The following MOBP variants were observed in gnomAD, a reference collection of about 807,000 sequenced individuals.
The protein encoded by MOBP is myelin associated oligodendrocyte basic protein, also known as myelin-associated oligodendrocyte basic protein.
A neutral mutation model predicts 15.0 loss-of-function variants in MOBP; 5 were observed. That is an observed-to-expected ratio of 0.33 (90% CI 0.17 to 0.70). The LOEUF (loss-of-function observed/expected upper bound fraction) is 0.70, where lower values mean the gene tolerates loss of function less well. MOBP is among the 30% of genes least tolerant of loss of function. The pLI is 0.67. For missense variants in MOBP, 188 were observed against 257.8 expected, an observed-to-expected ratio of 0.73 and a Z score of 1.85; for synonymous variants, 88 against 99.0, an observed-to-expected ratio of 0.89 and a Z score of 0.66.
At chr3:39,504,867 C>T (rs1708108), downstream of MOBP, among the ~76,000 whole-genome samples, 139,694 of 152,304 alleles carry the variant, frequency 0.92, 64,715 homozygotes, top group Middle Eastern at 0.98. Context: ...TTTCTGAAGC[C>T]AACTTGCTTT....
intron 4 of MOBP, among the ~76,000 whole-genome samples, chr3:39,512,373 A>G (rs2043131132): frequency 6.6e-6 from 1 of 152,192 alleles, no homozygotes; most frequent in Non-Finnish European, 1.5e-5. Flanking sequence ...AGGCTGCCAC[A>G]TGTCTGGAGG....
intron 3 of MOBP, among the ~76,000 whole-genome samples, chr3:39,521,828 T>C (rs1013774082): frequency 6.6e-6 from 1 of 152,208 alleles, no homozygotes; most frequent in Admixed American, 6.5e-5. Flanking sequence ...CCTAAGTGTA[T>C]AATACCGTCT....
intron 2 of MOBP, among the ~76,000 whole-genome samples, chr3:39,490,051 T>C (rs1237047342): frequency 6.6e-6 from 1 of 152,254 alleles, no homozygotes; most frequent in Non-Finnish European, 1.5e-5. Context: ...ACATTGTATT[T>C]GCACACTTTG....
intron 1 of MOBP, among the ~76,000 whole-genome samples, chr3:39,471,265 G>A (rs1016237128): frequency 1.3e-5 from 2 of 151,902 alleles, no homozygotes; most frequent in Non-Finnish European, 2.9e-5. Context: ...AAGTACCTGG[G>A]ACTGCAGGCT....
At chr3:39,485,362 T>G (rs1201397667) in intron 2 of MOBP, among the ~76,000 whole-genome samples, 2 of 152,168 alleles carry the variant, frequency 1.3e-5, no homozygotes, top group African/African-American at 4.8e-5. Context: ...AAATCTACAC[T>G]CAGAAGAAAG....
chr3:39,499,956 C>T (rs890787200), intron 2 of MOBP: 1 of 451,422 alleles, frequency 2.2e-6, no homozygotes, highest in African/African-American at 2.0e-5. Context: ...AACATATTGC[C>T]CTCTCTTCTG....
chr3:39,528,144 A>G (rs916867808), downstream of MOBP: 1 of 152,224 alleles, frequency 6.6e-6, no homozygotes, highest in Non-Finnish European at 1.5e-5. Context: ...GCAAAAGAAC[A>G]TATTAAAATA....
Position 39,487,172 on chromosome 3 carries a change from T to A in MOBP, c.-5+7049T>A, listed in dbSNP as rs1310701499. On this transcript the variant is annotated intron_variant, in intron 2 of 3. Transcript: ENST00000684792. Reference sequence around the variant, plus strand: ...CCCAGGCTGGTCTCGAACTCCATCTTGGACCTCAAATGATTCTGCCTCAGC... The same window carrying A: ...CCCAGGCTGGTCTCGAACTCCATCTAGGACCTCAAATGATTCTGCCTCAGC... 2.0e-5 allele frequency among the ~76,000 whole-genome samples: 3 copies of A among 152,178 alleles called. No individual in the cohort carries two copies. The South Asian group carries it at 6.2e-4, about 32-fold the overall frequency.
chr3:39,477,374 G>A (rs1033681435), intron 1 of MOBP, among the ~76,000 whole-genome samples: 4 of 151,602 alleles, frequency 2.6e-5, no homozygotes, highest in Non-Finnish European at 4.4e-5. Context: ...TGAAAAATTC[G>A]TGTCATCTAG....
chr3:39,492,786 T>C (rs988463079), intron 2 of MOBP, among the ~76,000 whole-genome samples: 9 of 152,216 alleles, frequency 5.9e-5, no homozygotes, highest in Admixed American at 5.2e-4. Flanking sequence ...GTTCAGGTCC[T>C]GGGTGCACAG....
rs116599620 is a variant in MOBP, at chr3:39,486,642, A to G, written c.-5+6519A>G. 5.6e-3 allele frequency among the ~76,000 whole-genome samples: 848 copies of G among 152,234 alleles called. 5 individuals are homozygous for G. Among genetic ancestry groups the G allele is most frequent in the African/African-American group, 0.019 (799 of 41,540 alleles). On this transcript the variant is annotated intron_variant, in intron 2 of 3. Transcript: ENST00000684792. ...ATGTCAGGCTATTTAACTTTTACCC[A>G]TCTGATTCTTGTAGAATGGTATCAA...
At chr3:39,522,759 G>A (rs2043285443) in intron 3 of MOBP, among the ~76,000 whole-genome samples, 1 of 152,214 alleles carries the variant, frequency 6.6e-6, no homozygotes, top group African/African-American at 2.4e-5. Context: ...TCCGTATACT[G>A]TAAGATTTGC....
At chr3:39,472,325 T>C (rs1420561433) in intron 1 of MOBP, among the ~76,000 whole-genome samples, 2 of 152,202 alleles carry the variant, frequency 1.3e-5, no homozygotes, top group Non-Finnish European at 2.9e-5. Flanking sequence ...ATGATCTTTG[T>C]AGTACAGTGA....
rs145581397 is a variant in MOBP, at chr3:39,495,216, G to C, written c.-4-6850G>C. On this transcript the variant is annotated intron_variant, in intron 2 of 3. Transcript: ENST00000684792. ...CAACTGTTGGAGTCACTGTCATAGC[G>C]ACTGCTTTCTCTAACTGCATTAAAA... Among the ~76,000 whole-genome samples the C allele has an allele frequency of 3.9e-5, 6 of 152,254 alleles. No homozygotes were observed. The East Asian group carries it at 1.2e-3, about 29-fold the overall frequency.
At chr3:39,527,093 A>G (rs1197640706), downstream of MOBP, 1 of 152,098 alleles carries the variant, frequency 6.6e-6, no homozygotes, top group East Asian at 1.9e-4. Context: ...GCAGATTTCA[A>G]GCTATGAACA....
At chr3:39,516,256 C>G (rs1236333122), downstream of MOBP, among the ~76,000 whole-genome samples, 1 of 152,066 alleles carries the variant, frequency 6.6e-6, no homozygotes, top group Non-Finnish European at 1.5e-5. Flanking sequence ...ACTGAGGAGG[C>G]ACCTGAGCAT....
intron 2 of MOBP, among the ~76,000 whole-genome samples, chr3:39,496,789 A>G (rs916447344): frequency 4.0e-5 from 6 of 151,820 alleles, no homozygotes; most frequent in African/African-American, 1.5e-4. Flanking sequence ...TCAGCCTCTC[A>G]AGTAGTTGGG....
exon 5 of MOBP, chr3:39,524,615 C>T (rs919775977): frequency 6.6e-6 from 1 of 152,036 alleles, no homozygotes; most frequent in African/African-American, 2.4e-5. Context: ...TATTATGACA[C>T]CTTTGGGTTG....
chr3:39,501,977 G>C (rs1162320229), intron 2 of MOBP, 89 bp from the exon 3 acceptor site: 10 of 1,079,216 alleles, frequency 9.3e-6, no homozygotes, highest in Non-Finnish European at 1.4e-5. Flanking sequence ...TTGGATTATG[G>C]GAGTAGCAGG....
Sources: allele counts gnomAD v4.1 joint callset (sites outside exome capture counted in the v4.1 genomes callset), GRCh38; gene constraint gnomAD v4.1.1; transcripts MANE v1.5; gene names NCBI Gene and HGNC (gene_info 2026-07-23, HGNC 2026-07-21).